Variants in EIF4EBP2 observed in about 807,000 individuals in gnomAD.
EIF4EBP2 encodes eukaryotic translation initiation factor 4E-binding protein 2.
In EIF4EBP2, 5 loss-of-function variants were observed where a neutral mutation model predicts 10.3. The observed-to-expected ratio is 0.48, with a 90% confidence interval of 0.25 to 1.02. The LOEUF is 1.02. Among genes scored for constraint, EIF4EBP2 ranks in the 50% least tolerant of loss-of-function variants. EIF4EBP2 has a pLI of 0.15. For missense variants in EIF4EBP2, 188 were observed against 162.2 expected (o/e 1.16, Z -0.86); for synonymous variants, 67 against 61.1 (o/e 1.10, Z -0.45).
intron 1 of EIF4EBP2, among the ~76,000 whole-genome samples, chr10:70,414,620 C>T (rs1845074572): frequency 6.6e-6 from 1 of 152,220 alleles, no homozygotes; most frequent in African/African-American, 2.4e-5. Context: ...GTAATCCTAG[C>T]ACTTTGGGAG....
intron 1 of EIF4EBP2, among the ~76,000 whole-genome samples, chr10:70,405,526 A>G (rs907702586): frequency 2.0e-5 from 3 of 152,168 alleles, no homozygotes; most frequent in Non-Finnish European, 4.4e-5. Flanking sequence ...ATTGAAGGGA[A>G]CGGGGCCTCC....
chr10:70,411,993 T>G (rs1226545151), intron 1 of EIF4EBP2, among the ~76,000 whole-genome samples: 1 of 152,234 alleles, frequency 6.6e-6, no homozygotes, highest in South Asian at 2.1e-4. Context: ...CTCTTCTTGC[T>G]TGCTGCCAGA....
chr10:70,410,694 G>A (rs1439384626), intron 1 of EIF4EBP2, among the ~76,000 whole-genome samples: 1 of 152,226 alleles, frequency 6.6e-6, no homozygotes, highest in African/African-American at 2.4e-5. Flanking sequence ...AGTCCTTTCT[G>A]TTTTTTCCTT....
chr10:70,421,400 A>G (rs952854701), intron 2 of EIF4EBP2, among the ~76,000 whole-genome samples: 2 of 152,330 alleles, frequency 1.3e-5, no homozygotes, highest in Admixed American at 1.3e-4. Flanking sequence ...CAAAGCCTCC[A>G]GAAGAATGTG....
In EIF4EBP2 at chr10:70,404,173, G is replaced by C. The variant is rs1844942322; in HGVS notation, c.-229G>C. Among the ~76,000 whole-genome samples, 1 of 152,232 alleles carries C rather than the reference G, an allele frequency of 6.6e-6. No individual in the cohort carries two copies. The highest frequency in any genetic ancestry group is 6.5e-5 in the Admixed American group (1 of 15,292). ...TCCGGTCGTCGTCGTCGCCGCTGCT[G>C]CCGCTGCTGTTGCTCCTGAGGCTGC... On this transcript the variant is annotated 5_prime_UTR_variant, in exon 1 of 3. Coordinates refer to ENST00000373218, the MANE Select transcript of EIF4EBP2 (RefSeq NM_004096.5).
intron 1 of EIF4EBP2, among the ~76,000 whole-genome samples, chr10:70,416,018 A>G (rs1056868573): frequency 6.6e-6 from 1 of 152,234 alleles, no homozygotes. Flanking sequence ...ATAAAGAACT[A>G]TCATAATTTA....
At chr10:70,408,471 C>G (rs189201715) in intron 1 of EIF4EBP2, among the ~76,000 whole-genome samples, 1 of 152,200 alleles carries the variant, frequency 6.6e-6, no homozygotes, top group Non-Finnish European at 1.5e-5. Context: ...GGACATGGTG[C>G]CGTTGCAGTT....
intron 1 of EIF4EBP2, among the ~76,000 whole-genome samples, chr10:70,408,406 G>A (rs186357330): frequency 1.3e-5 from 2 of 152,300 alleles, no homozygotes; most frequent in Non-Finnish European, 1.5e-5. Context: ...CAGCCACTGC[G>A]CCTGGCTGTA....
intron 1 of EIF4EBP2, among the ~76,000 whole-genome samples, chr10:70,412,631 T>A (rs1845057721): frequency 6.6e-6 from 1 of 152,248 alleles, no homozygotes; most frequent in Non-Finnish European, 1.5e-5. Context: ...AACTTTGGGC[T>A]TTATTCATTG....
intron 1 of EIF4EBP2, among the ~76,000 whole-genome samples, chr10:70,405,396 A>G (rs1255308951): frequency 6.6e-6 from 1 of 152,174 alleles, no homozygotes; most frequent in African/African-American, 2.4e-5. Flanking sequence ...CTGTTTACAA[A>G]TAAGTAATAC....
chr10:70,427,393 C>T lies in EIF4EBP2; in HGVS notation c.*5646C>T, dbSNP rs1401325951. On this transcript the variant is annotated 3_prime_UTR_variant, in exon 3 of 3. Coordinates refer to ENST00000373218, the MANE Select transcript of EIF4EBP2 (RefSeq NM_004096.5). Reference sequence around the variant, plus strand: ...CACAATTCTTTAGAATGCTTCTACCCCAGGGCCGCTTCCTGTTCCTAGTCA... The same window carrying T: ...CACAATTCTTTAGAATGCTTCTACCTCAGGGCCGCTTCCTGTTCCTAGTCA... 7 of 152,166 alleles carry T rather than the reference C, an allele frequency of 4.6e-5. No homozygotes were observed. Among genetic ancestry groups the T allele is most frequent in the Non-Finnish European group, 1.0e-4 (7 of 68,014 alleles). 9.4% of individuals were successfully genotyped at this position (152,166 alleles called of 1,614,324 possible). A position where few individuals can be genotyped will look rare whatever the true frequency, so the allele number is the denominator to read the frequency against.
intron 1 of EIF4EBP2, 60 bp downstream of exon 1, chr10:70,404,606 G>C (rs1437952872): frequency 1.4e-6 from 2 of 1,456,108 alleles, no homozygotes; most frequent in African/African-American, 1.5e-5. Flanking sequence ...CTAACTCCTC[G>C]GCGCCTCGGT....
intron 1 of EIF4EBP2, among the ~76,000 whole-genome samples, chr10:70,408,294 C>T (rs1015715345): frequency 2.6e-5 from 4 of 152,072 alleles, no homozygotes; most frequent in Non-Finnish European, 5.9e-5. Flanking sequence ...GGCAGAGGCG[C>T]CCCTCACCTC....
chr10:70,421,561 G>C (rs1845157577), intron 2 of EIF4EBP2, among the ~76,000 whole-genome samples, 155 bp from the exon 3 acceptor site: 1 of 152,214 alleles, frequency 6.6e-6, no homozygotes, highest in African/African-American at 2.4e-5. Flanking sequence ...TTCAGATTAA[G>C]ACCAGCCAAA....
chr10:70,409,814 A>G (rs1219437673), intron 1 of EIF4EBP2, among the ~76,000 whole-genome samples: 2 of 152,214 alleles, frequency 1.3e-5, no homozygotes, highest in Non-Finnish European at 2.9e-5. Flanking sequence ...CTCATCAGCC[A>G]TGGAAAAGTA....
At position 70,419,828 on chromosome 10, in the gene EIF4EBP2, A is replaced by G. The variant is rs141090634; in HGVS notation, c.146-86A>G. On this transcript the variant is annotated intron_variant, in intron 1 of 2. Coordinates refer to ENST00000373218, the MANE Select transcript of EIF4EBP2 (RefSeq NM_004096.5). ...TAAAATCCTTAAAAGTTAGGATTAC[A>G]TGGGATTTAAATTAAATTCCTGGGT... is the stretch of plus-strand genomic sequence containing the variant. The G allele has an allele frequency of 1.7e-3, 1,701 of 994,036 alleles. 35 individuals are homozygous for G. In the Admixed American group the frequency reaches 0.033, roughly 19 times the overall value. 61.6% of individuals were successfully genotyped at this position (994,036 alleles called of 1,614,324 possible).
At chr10:70,408,182 A>C (rs1268971227) in intron 1 of EIF4EBP2, among the ~76,000 whole-genome samples, 1 of 114,998 alleles carries the variant, frequency 8.7e-6, no homozygotes, top group African/African-American at 3.3e-5. Flanking sequence ...TCCCTCCCGG[A>C]CGGGGCGGCT....
Position 70,419,724 on chromosome 10 carries a change from A to C in EIF4EBP2, c.146-190A>C, listed in dbSNP as rs113925504. Among the ~76,000 whole-genome samples the C allele has an allele frequency of 6.9e-4, 105 of 152,256 alleles. 1 individual carries two copies. The highest frequency in any genetic ancestry group is 2.2e-3 in the African/African-American group (92 of 41,534). On this transcript the variant is annotated intron_variant, in intron 1 of 2. Transcript: ENST00000373218. ...GGATCAACAGGAGTGTCCCTGGCAG[A>C]AGAGAAAGGGCATTCCAGATGGCAG...
Position 70,404,371 on chromosome 10 carries a change from C to G in EIF4EBP2, c.-31C>G, listed in dbSNP as rs748304317. The stretch of plus-strand genomic sequence containing the variant: ...GGCCCCGCCGCCGCCGCCTGCCCGC[C>G]GGACAAAGCCGAGAGCCCGCGCCCA... On this transcript the variant is annotated 5_prime_UTR_variant, in exon 1 of 3. Coordinates refer to ENST00000373218, the MANE Select transcript of EIF4EBP2 (RefSeq NM_004096.5). 1.4e-5 allele frequency: 22 copies of G among 1,522,160 alleles called. No homozygotes were observed. The highest frequency in any genetic ancestry group is 1.8e-5 in the Non-Finnish European group (21 of 1,138,258). The allele number at this position is 1,522,160 out of a possible 1,614,324, so 94.3% of individuals were successfully genotyped here.
Sources: allele counts gnomAD v4.1 joint callset (sites outside exome capture counted in the v4.1 genomes callset), GRCh38; gene constraint gnomAD v4.1.1; transcripts MANE v1.5; gene names NCBI Gene and HGNC (gene_info 2026-07-23, HGNC 2026-07-21).